Variants in GDPD5 observed in about 807,000 individuals in gnomAD.
The protein encoded by GDPD5 is glycerophosphodiester phosphodiesterase domain containing 5, also known as glycerophosphodiester phosphodiesterase 2.
GDPD5 carries 48 observed loss-of-function variants against 75.1 expected under a neutral mutation model. The observed-to-expected ratio is 0.64, with a 90% CI of 0.51 to 0.81. The LOEUF (loss-of-function observed/expected upper bound fraction) is 0.81. GDPD5 is among the 40% of genes least tolerant of loss of function. The probability of loss-of-function intolerance (pLI) is 0.00; values close to 1 mark genes in which losing one functional copy is unlikely to be tolerated. For missense variants in GDPD5, 706 were observed against 822.6 expected, an observed-to-expected ratio of 0.86 and a Z score of 1.73; for synonymous variants, 336 against 339.0, an observed-to-expected ratio of 0.99 and a Z score of 0.10.
intron 10 of GDPD5, among the ~76,000 whole-genome samples, chr11:75,443,818 C>T (rs1176311711): frequency 6.6e-6 from 1 of 152,166 alleles, no homozygotes; most frequent in Non-Finnish European, 1.5e-5. Flanking sequence ...GGTACCTGTG[C>T]CCTCTGTTCC....
intron 1 of GDPD5, among the ~76,000 whole-genome samples, chr11:75,507,994 T>C (rs1337829640): frequency 6.6e-6 from 1 of 151,864 alleles, no homozygotes; most frequent in Non-Finnish European, 1.5e-5. Context: ...TAGGATTTTA[T>C]AGATTATTTC....
At chr11:75,456,501 T>A (rs980008120) in intron 6 of GDPD5, 11 of 548,750 alleles carry the variant, frequency 2.0e-5, no homozygotes, top group Non-Finnish European at 3.3e-5. Flanking sequence ...CTTAACCTCT[T>A]TGTACTTCAG....
At chr11:75,437,851 C>T (rs1393462197) in intron 15 of GDPD5, 4 of 152,322 alleles carry the variant, frequency 2.6e-5, no homozygotes, top group Non-Finnish European at 5.9e-5. Flanking sequence ...GCCCCAGTCC[C>T]TGGCCTCTGA....
intron 6 of GDPD5, among the ~76,000 whole-genome samples, chr11:75,453,545 G>A (rs1228904254): frequency 6.6e-6 from 1 of 151,750 alleles, no homozygotes; most frequent in Admixed American, 6.6e-5. Flanking sequence ...GTGAACCCAG[G>A]AGGTGGAGCT....
At chr11:75,493,058 T>G (rs1165496715) in intron 1 of GDPD5, among the ~76,000 whole-genome samples, 1 of 152,106 alleles carries the variant, frequency 6.6e-6, no homozygotes, top group Non-Finnish European at 1.5e-5. Context: ...AATGAACAAA[T>G]GCACATGAGT....
In GDPD5 at chr11:75,449,199, C is replaced by T. The variant is rs554423181; in HGVS notation, c.569-77G>A. The T allele has an allele frequency of 5.7e-5, 86 of 1,496,990 alleles. 1 individual carries two copies. In the East Asian group the frequency reaches 1.2e-3, roughly 21 times the overall value. The allele number at this position is 1,496,990 out of a possible 1,614,324, so 92.7% of individuals were successfully genotyped here. On this transcript the variant is annotated intron_variant, in intron 8 of 16. Coordinates refer to ENST00000336898, the MANE Select transcript of GDPD5 (RefSeq NM_030792.8). ...GTGCAATGCTGGACCCCTCTACCCC[C>T]GACCTGTCAGGATCCAGGTGCTCTA...
intron 10 of GDPD5, among the ~76,000 whole-genome samples, 176 bp downstream of exon 10, chr11:75,444,237 C>T (rs1021584683): frequency 1.3e-5 from 2 of 152,146 alleles, no homozygotes; most frequent in Admixed American, 1.3e-4. Flanking sequence ...GTTCTTTCCT[C>T]TATTTTACAT....
chr11:75,441,659 G>T lies in GDPD5; in HGVS notation c.1312C>A (p.Arg438Ser). The T allele has an allele frequency of 6.3e-7, 1 of 1,586,238 alleles. No individual in the cohort carries two copies. The change falls in exon 13 of 17, where the codon CGC becomes AGC. Residue 438 changes from arginine (R) to serine (S), a missense_variant. Arg to Ser is a moderately radical substitution (Grantham distance 110). Coordinates refer to ENST00000336898, the MANE Select transcript of GDPD5 (RefSeq NM_030792.8). ...CAGGGCAGGCACCTGAGCTCCTGGC[G>T]GGACACCTGAGTGTAGCGCAGGTTC... ...RLNLRYTQVS[R>S]QELRDYASWN...
Position 75,435,666 on chromosome 11 carries a change from A to G in GDPD5, c.1670-11T>C. On this transcript the variant is annotated splice_polypyrimidine_tract_variant and intron_variant, in intron 16 of 16. Transcript: ENST00000336898. ...CACCATCGCTGATCTCTGCTGGGCC[A>G]GAGGGAGACAGAATGTGAGTCGGGG... is the stretch of plus-strand genomic sequence containing the variant. 6.3e-7 allele frequency: 1 copy of G among 1,582,914 alleles called. No homozygotes were observed. The highest frequency in any genetic ancestry group is 8.6e-7 in the Non-Finnish European group (1 of 1,160,486).
intron 3 of GDPD5, among the ~76,000 whole-genome samples, chr11:75,467,983 A>C (rs1238731797): frequency 6.6e-6 from 1 of 152,248 alleles, no homozygotes; most frequent in East Asian, 1.9e-4. Context: ...ACATAGAGAA[A>C]GACCTCATTA....
intron 3 of GDPD5, 37 bp from the exon 4 acceptor site, chr11:75,462,926 G>A: frequency 6.4e-7 from 1 of 1,552,270 alleles, no homozygotes; most frequent in Middle Eastern, 2.0e-4. Context: ...AAGTGGGTCA[G>A]GGGCCAGCCC....
chr11:75,446,043 A>G (rs1354413563), intron 9 of GDPD5, among the ~76,000 whole-genome samples: 2 of 152,208 alleles, frequency 1.3e-5, no homozygotes, highest in Non-Finnish European at 2.9e-5. Context: ...AGGACTACAA[A>G]GGCATGGAGA....
chr11:75,444,011 T>C (rs968905889), intron 10 of GDPD5, among the ~76,000 whole-genome samples: 1 of 152,214 alleles, frequency 6.6e-6, no homozygotes, highest in Non-Finnish European at 1.5e-5. Flanking sequence ...TAGTATGGAT[T>C]CTTCCTGCCA....
Position 75,449,536 on chromosome 11 carries a change from G to C in GDPD5, c.549C>G (p.Phe183Leu), listed in dbSNP as rs768643996. Reference protein sequence around the residue: ...TMLSWIVAGQFARAERTSSQV... With the variant: ...TMLSWIVAGQLARAERTSSQV... Reference sequence around the variant, plus strand: ...ACTCACAGGTCCGCTCTGCGCGGGCGAACTGTCCTGCCACGATCCAGGAGA... The same window carrying C: ...ACTCACAGGTCCGCTCTGCGCGGGCCAACTGTCCTGCCACGATCCAGGAGA... The change falls in exon 8 of 17, where the codon TTC becomes TTG. Residue 183 changes from phenylalanine to leucine, a missense_variant. Phe to Leu is a conservative substitution (Grantham distance 22). Transcript: ENST00000336898. 1.3e-6 allele frequency: 2 copies of C among 1,580,148 alleles called. No individual in the cohort carries two copies. Among genetic ancestry groups the C allele is most frequent in the Non-Finnish European group, 1.7e-6 (2 of 1,163,604 alleles).
At position 75,439,926 on chromosome 11, in the gene GDPD5, G is replaced by A. The variant is rs115438239; in HGVS notation, c.1509C>T (p.Ala503=). 3.4e-3 allele frequency: 5,497 copies of A among 1,613,982 alleles called. 45 individuals are homozygous for A. Among genetic ancestry groups the A allele is most frequent in the Non-Finnish European group, 2.8e-3 (3,310 of 1,179,934 alleles). ...PDEYCLMWVT[A]DLVSFTLIVG... is the part of the protein sequence containing the mutation. ...CGATGAGGGTGAAGGAGACCAGGTC[G>A]GCAGTGACCCACATGAGACAGTACT... Residue 503 remains alanine (A), a synonymous_variant, in exon 15 of 17, where the codon GCC becomes GCT. Coordinates refer to ENST00000336898, the MANE Select transcript of GDPD5 (RefSeq NM_030792.8).
chr11:75,471,930 A>T (rs541815125), intron 3 of GDPD5, among the ~76,000 whole-genome samples: 23 of 152,200 alleles, frequency 1.5e-4, no homozygotes, highest in Admixed American at 5.9e-4. Context: ...TCTTATCCTT[A>T]TAGGAATCCT....
At chr11:75,473,974 C>T (rs946879455) in intron 3 of GDPD5, among the ~76,000 whole-genome samples, 4 of 152,160 alleles carry the variant, frequency 2.6e-5, no homozygotes, top group African/African-American at 9.7e-5. Flanking sequence ...AAAACCAGGT[C>T]TGATATACTT....
chr11:75,473,803 C>A (rs1221223068), intron 3 of GDPD5, among the ~76,000 whole-genome samples: 1 of 152,172 alleles, frequency 6.6e-6, no homozygotes, highest in Non-Finnish European at 1.5e-5. Context: ...CTTCCCTGGT[C>A]TGTGGAGATG....
chr11:75,486,368 T>A (rs1001914762), intron 2 of GDPD5, among the ~76,000 whole-genome samples: 1 of 152,186 alleles, frequency 6.6e-6, no homozygotes, highest in African/African-American at 2.4e-5. Context: ...AGGCACCTGG[T>A]CGTCCTGAGC....
Sources: allele counts gnomAD v4.1 joint callset (sites outside exome capture counted in the v4.1 genomes callset), GRCh38; gene constraint gnomAD v4.1.1; transcripts MANE v1.5; gene names NCBI Gene and HGNC (gene_info 2026-07-23, HGNC 2026-07-21).